Variants in PPARGC1A observed in about 807,000 individuals in gnomAD.
The protein encoded by PPARGC1A is peroxisome proliferator-activated receptor gamma coactivator 1-alpha.
In PPARGC1A, 25 loss-of-function variants were observed where a neutral mutation model predicts 88.7. The ratio of observed to expected loss-of-function variants is 0.28; its 90% CI spans 0.21 to 0.39. The LOEUF is 0.39. Ranked by LOEUF, PPARGC1A falls within the 10% of genes least tolerant of loss-of-function variation. The pLI is 1.00. For missense variants in PPARGC1A, 880 were observed against 968.7 expected (o/e 0.91, Z 1.22); for synonymous variants, 363 against 355.6 (o/e 1.02, Z -0.24).
the PPARGC1A span, among the ~76,000 whole-genome samples, chr4:24,446,282 G>A: frequency 6.6e-6 from 1 of 152,156 alleles, no homozygotes; most frequent in South Asian, 2.1e-4. Context: ...CCTAACAGAT[G>A]TGAGGTGGTA....
At chr4:24,421,377 T>C in the PPARGC1A span, among the ~76,000 whole-genome samples, 10 of 151,650 alleles carry the variant, frequency 6.6e-5, no homozygotes, top group South Asian at 4.2e-4. Flanking sequence ...GTGGCGCGAT[T>C]TCAGCTCACT....
the PPARGC1A span, among the ~76,000 whole-genome samples, chr4:24,434,283 C>T: frequency 6.6e-6 from 1 of 152,186 alleles, no homozygotes; most frequent in African/African-American, 2.4e-5. Flanking sequence ...AAGCTAGAAT[C>T]ATGAGATTTT....
chr4:23,856,202 A>C (rs1730164361), intron 2 of PPARGC1A, among the ~76,000 whole-genome samples: 1 of 152,208 alleles, frequency 6.6e-6, no homozygotes, highest in South Asian at 2.1e-4. Context: ...CAACACAACC[A>C]TAAAGAAAAT....
At chr4:23,887,388 G>C (rs1230447643) in intron 1 of PPARGC1A, among the ~76,000 whole-genome samples, 1 of 152,196 alleles carries the variant, frequency 6.6e-6, no homozygotes, top group African/African-American at 2.4e-5. Flanking sequence ...GACAATGCCA[G>C]ACTTAACAGT....
the PPARGC1A span, among the ~76,000 whole-genome samples, chr4:24,388,237 C>T: frequency 5.9e-5 from 9 of 152,026 alleles, no homozygotes; most frequent in African/African-American, 2.2e-4. Context: ...AAAAAAAGCT[C>T]ATTAGAGAAA....
intron 4 of PPARGC1A, among the ~76,000 whole-genome samples, chr4:23,829,074 T>C (rs1188281558): frequency 6.6e-6 from 1 of 152,212 alleles, no homozygotes; most frequent in Non-Finnish European, 1.5e-5. Flanking sequence ...CAGAGATAGA[T>C]GTTTTGTGGT....
chr4:24,425,032 T>C, the PPARGC1A span, among the ~76,000 whole-genome samples: 2 of 152,358 alleles, frequency 1.3e-5, no homozygotes, highest in East Asian at 3.9e-4. Context: ...ATGCATATAA[T>C]TACAGTATCA....
At chr4:24,180,218 C>T in the PPARGC1A span, among the ~76,000 whole-genome samples, 4 of 152,278 alleles carry the variant, frequency 2.6e-5, no homozygotes, top group South Asian at 2.1e-4. Flanking sequence ...TATTCATTTA[C>T]ATCTCCCTTT....
intron 2 of PPARGC1A, chr4:23,878,009 C>A (rs1166822173): frequency 6.6e-6 from 1 of 152,200 alleles, no homozygotes; most frequent in African/African-American, 2.4e-5. Flanking sequence ...ACACTATTAT[C>A]TTTGAAGTAA....
chr4:23,933,736 C>T, the PPARGC1A span, among the ~76,000 whole-genome samples: 1 of 152,210 alleles, frequency 6.6e-6, no homozygotes, highest in Middle Eastern at 3.2e-3. Context: ...AATCATAATG[C>T]CTTCTTTTAT....
chr4:23,971,892 CA>C, the PPARGC1A span, among the ~76,000 whole-genome samples: 4 of 152,148 alleles, frequency 2.6e-5, no homozygotes, highest in Non-Finnish European at 4.4e-5. Flanking sequence ...GTGTTTCAGG[CA>C]TCTAACTTTA....
At chr4:24,457,527 T>TTTTG in the PPARGC1A span, among the ~76,000 whole-genome samples, 10,748 of 149,998 alleles carry the variant, frequency 0.072, 474 homozygotes, top group Non-Finnish European at 0.096. Context: ...AGATACTGTT[T>TTTTG]TTTGTTTGTT....
the PPARGC1A span, among the ~76,000 whole-genome samples, chr4:24,085,970 A>C: frequency 6.6e-6 from 1 of 152,182 alleles, no homozygotes; most frequent in Non-Finnish European, 1.5e-5. Flanking sequence ...TCTGTATCAG[A>C]AAAATGCTTC....
intron 1 of PPARGC1A, among the ~76,000 whole-genome samples, chr4:23,896,506 C>G (rs1718620660): frequency 6.6e-6 from 1 of 152,124 alleles, no homozygotes; most frequent in Non-Finnish European, 1.5e-5. Context: ...TCATGAGCAA[C>G]ACTGAGGGAA....
At position 23,884,534 on chromosome 4, in the gene PPARGC1A, C is replaced by T. The variant is rs1161314975; in HGVS notation, c.234+218G>A. The T allele has an allele frequency of 6.5e-6, 3 of 458,022 alleles. No individual in the cohort carries two copies. In the East Asian group the frequency reaches 9.8e-5, roughly 15 times the overall value. 28.4% of individuals were successfully genotyped at this position (458,022 alleles called of 1,614,324 possible). A position where few individuals can be genotyped will look rare whatever the true frequency, so the allele number is the denominator to read the frequency against. ...TCACTCACAGTTGTTGATTCCTAGT[C>T]CCTAGTTGATTTATTTTTTAAATCT... On this transcript the variant is annotated intron_variant, in intron 2 of 12. Transcript: ENST00000264867.
chr4:23,816,949 G>A (rs567205981), intron 7 of PPARGC1A, among the ~76,000 whole-genome samples: 13 of 152,062 alleles, frequency 8.5e-5, no homozygotes, highest in Middle Eastern at 3.4e-3. Flanking sequence ...TCCTTTAGTC[G>A]TGGGTCTCAC....
intron 2 of PPARGC1A, among the ~76,000 whole-genome samples, chr4:23,858,939 G>T (rs1730700229): frequency 6.7e-6 from 1 of 148,784 alleles, no homozygotes; most frequent in African/African-American, 2.4e-5. Flanking sequence ...TAGATTTAAA[G>T]TGTAAATTTA....
chr4:24,315,214 C>A, the PPARGC1A span, among the ~76,000 whole-genome samples: 1 of 152,088 alleles, frequency 6.6e-6, no homozygotes, highest in African/African-American at 2.4e-5. Context: ...CAGCTTCCTG[C>A]AACCTATGTT....
At chr4:24,027,118 C>T in the PPARGC1A span, among the ~76,000 whole-genome samples, 3 of 151,836 alleles carry the variant, frequency 2.0e-5, no homozygotes, top group African/African-American at 7.3e-5. Flanking sequence ...CCTTATTTTA[C>T]CAAGGATGCC....
Sources: gnomAD v4.1 joint callset for allele counts (sites outside exome capture counted in the v4.1 genomes callset) on GRCh38, gnomAD v4.1.1 for gene constraint, MANE v1.5 for transcripts, NCBI Gene and HGNC (gene_info 2026-07-23, HGNC 2026-07-21) for gene names.